RBFOX1: variants seen among roughly 807,000 people sequenced by gnomAD.
The protein encoded by RBFOX1 is RNA binding fox-1 homolog 1.
In RBFOX1, 8 loss-of-function variants were observed where a neutral mutation model predicts 57.7. The ratio of observed to expected loss-of-function variants is 0.14; its 90% CI spans 0.08 to 0.25. The LOEUF is 0.25. Ranked by LOEUF, RBFOX1 falls within the 10% of genes least tolerant of loss-of-function variation. The probability of loss-of-function intolerance (pLI) is 1.00; values close to 1 mark genes in which losing one functional copy is unlikely to be tolerated. For missense variants in RBFOX1, 611 were observed against 548.5 expected, an observed-to-expected ratio of 1.11 and a Z score of -1.14; for synonymous variants, 326 against 222.4, an observed-to-expected ratio of 1.47 and a Z score of -4.15.
intron 5 of RBFOX1, among the ~76,000 whole-genome samples, chr16:7,568,262 T>C (rs1019424713): frequency 6.6e-6 from 1 of 152,180 alleles, no homozygotes; most frequent in Admixed American, 6.5e-5. Flanking sequence ...TTCTTGATTA[T>C]GTATTAAACA....
At chr16:6,158,108 T>A (rs2096851474) in intron 1 of RBFOX1, among the ~76,000 whole-genome samples, 1 of 152,282 alleles carries the variant, frequency 6.6e-6, no homozygotes, top group South Asian at 2.1e-4. Flanking sequence ...CCGAACGCTT[T>A]TACAAAATGA....
chr16:6,277,738 A>G (rs922711409), intron 1 of RBFOX1, among the ~76,000 whole-genome samples: 1 of 151,942 alleles, frequency 6.6e-6, no homozygotes, highest in Non-Finnish European at 1.5e-5. Context: ...CGCTGTATAT[A>G]ACTGCTGGTT....
At chr16:5,644,366 T>C (rs1272402356) in intron 3 of RBFOX1, among the ~76,000 whole-genome samples, 1 of 151,912 alleles carries the variant, frequency 6.6e-6, no homozygotes, top group African/African-American at 2.4e-5. Context: ...TGTGGATGAG[T>C]GATTTTGGCC....
intron 3 of RBFOX1, among the ~76,000 whole-genome samples, chr16:6,734,452 G>A (rs1429185841): frequency 3.3e-5 from 5 of 152,190 alleles, no homozygotes; most frequent in Admixed American, 6.5e-5. Context: ...TAATCCTCAT[G>A]ATAAAGGTCA....
intron 5 of RBFOX1, among the ~76,000 whole-genome samples, chr16:7,546,454 G>T (rs2084576787): frequency 6.6e-6 from 1 of 152,172 alleles, no homozygotes; most frequent in African/African-American, 2.4e-5. Context: ...ATCCCTTATG[G>T]TGTGCTTAAA....
At chr16:6,244,753 C>T (rs895666676) in intron 1 of RBFOX1, among the ~76,000 whole-genome samples, 1 of 152,152 alleles carries the variant, frequency 6.6e-6, no homozygotes, top group African/African-American at 2.4e-5. Context: ...CGTGATCCAC[C>T]TTCCTTGACC....
intron 1 of RBFOX1, among the ~76,000 whole-genome samples, chr16:5,414,605 T>C (rs371802535): frequency 3.3e-5 from 5 of 152,322 alleles, no homozygotes; most frequent in South Asian, 4.1e-4. Context: ...CCAGAAAGCT[T>C]AGCTGGAGGT....
intron 2 of RBFOX1, among the ~76,000 whole-genome samples, chr16:5,498,674 T>G (rs982851391): frequency 3.3e-5 from 5 of 152,186 alleles, no homozygotes; most frequent in African/African-American, 1.2e-4. Context: ...GGATAAGCAT[T>G]TGAGAGATGG....
chr16:5,685,922 A>T (rs2050490584), intron 3 of RBFOX1, among the ~76,000 whole-genome samples: 1 of 152,216 alleles, frequency 6.6e-6, no homozygotes, highest in Non-Finnish European at 1.5e-5. Flanking sequence ...CATGCTGGAC[A>T]TTTGTAAATA....
At chr16:6,406,306 C>T (rs1433262636) in intron 2 of RBFOX1, among the ~76,000 whole-genome samples, 2 of 150,872 alleles carry the variant, frequency 1.3e-5, no homozygotes, top group South Asian at 2.1e-4. Context: ...CGCAGTGGTC[C>T]CTTCCTATAA....
intron 2 of RBFOX1, among the ~76,000 whole-genome samples, chr16:6,370,786 C>T (rs928061417): frequency 6.6e-6 from 1 of 152,206 alleles, no homozygotes; most frequent in African/African-American, 2.4e-5. Context: ...TGCAAATGTT[C>T]TTAATGCCAC....
chr16:7,406,009 C>G (rs753784320), intron 4 of RBFOX1, among the ~76,000 whole-genome samples: 5 of 152,140 alleles, frequency 3.3e-5, no homozygotes, highest in Non-Finnish European at 7.3e-5. Flanking sequence ...TCCTGCAACA[C>G]ACAGAGCATA....
At chr16:7,419,951 T>C (rs2098524533) in intron 4 of RBFOX1, among the ~76,000 whole-genome samples, 1 of 149,266 alleles carries the variant, frequency 6.7e-6, no homozygotes, top group South Asian at 2.1e-4. Flanking sequence ...TTTTAATTGT[T>C]TTGGTTGGAA....
chr16:7,691,520 A>C (rs1031710264), intron 14 of RBFOX1, among the ~76,000 whole-genome samples: 3 of 149,960 alleles, frequency 2.0e-5, no homozygotes, highest in Admixed American at 2.0e-4. Flanking sequence ...GTTTAAGGTT[A>C]AGTGCAGACT....
At chr16:5,300,623 C>T (rs1328487406) in intron 1 of RBFOX1, among the ~76,000 whole-genome samples, 1 of 152,240 alleles carries the variant, frequency 6.6e-6, no homozygotes, top group South Asian at 2.1e-4. Context: ...CCAGTGAAGA[C>T]ATCTGGGACT....
chr16:5,469,282 C>A (rs1038663522), intron 2 of RBFOX1, among the ~76,000 whole-genome samples: 1 of 152,128 alleles, frequency 6.6e-6, no homozygotes, highest in Non-Finnish European at 1.5e-5. Flanking sequence ...CCAGCACACC[C>A]CCCATGTAGA....
intron 2 of RBFOX1, among the ~76,000 whole-genome samples, chr16:6,378,822 A>G (rs1418089712): frequency 2.0e-5 from 3 of 152,146 alleles, no homozygotes; most frequent in Admixed American, 2.0e-4. Context: ...CTCTTGAATG[A>G]ATCTTTAGGA....
intron 10 of RBFOX1, among the ~76,000 whole-genome samples, chr16:7,618,076 G>C (rs567356658): frequency 3.3e-5 from 5 of 152,104 alleles, no homozygotes; most frequent in South Asian, 4.2e-4. Context: ...CCAAGTTGAC[G>C]TTTTTTCCAA....
intron 4 of RBFOX1, among the ~76,000 whole-genome samples, chr16:7,309,354 C>T (rs1308670344): frequency 1.3e-5 from 2 of 152,226 alleles, no homozygotes; most frequent in Non-Finnish European, 2.9e-5. Context: ...GCAGGGCCAC[C>T]TGGGCTGCCT....
Sources: gnomAD v4.1 joint callset for allele counts (sites outside exome capture counted in the v4.1 genomes callset) on GRCh38, gnomAD v4.1.1 for gene constraint, MANE v1.5 for transcripts, NCBI Gene and HGNC (gene_info 2026-07-23, HGNC 2026-07-21) for gene names.